The following DOCK5 variants were observed in gnomAD, a reference collection of about 807,000 sequenced individuals.
DOCK5 encodes the protein dedicator of cytokinesis protein 5.
DOCK5 carries 142 observed loss-of-function variants against 251.8 expected under a neutral mutation model. The observed-to-expected ratio is 0.56, with a 90% CI of 0.49 to 0.65. The LOEUF (loss-of-function observed/expected upper bound fraction) is 0.65, where lower values mean the gene tolerates loss of function less well. Among genes scored for constraint, DOCK5 ranks in the 30% least tolerant of loss-of-function variants. DOCK5 has a pLI of 0.00. For synonymous variants in DOCK5, 842 were observed against 835.5 expected (o/e 1.01, Z -0.13); for missense variants, 2,111 against 2,312.3 (o/e 0.91, Z 1.79).
chr8:25,188,711 C>G (rs1302550854), intron 1 of DOCK5, among the ~76,000 whole-genome samples: 1 of 152,262 alleles, frequency 6.6e-6, no homozygotes, highest in East Asian at 1.9e-4. Flanking sequence ...AGTGACTGAT[C>G]TATTTGATTC....
intron 5 of DOCK5, among the ~76,000 whole-genome samples, chr8:25,285,716 A>G (rs894999893): frequency 2.0e-5 from 3 of 152,176 alleles, no homozygotes; most frequent in African/African-American, 7.2e-5. Context: ...GCTGGAACGT[A>G]ATCTCTGAAG....
chr8:25,414,714 C>T lies in DOCK5; in HGVS notation c.*3416C>T, dbSNP rs896314092. 2.6e-5 allele frequency: 4 copies of T among 152,024 alleles called. No homozygotes were observed. Among genetic ancestry groups the T allele is most frequent in the African/African-American group, 9.7e-5 (4 of 41,394 alleles). 9.4% of individuals were successfully genotyped at this position (152,024 alleles called of 1,614,324 possible). A position where few individuals can be genotyped will look rare whatever the true frequency, so the allele number is the denominator to read the frequency against. ...TAGAGACATACACTGTTTTCAGCACCCCAGAAAGTTCCCACATGCCCATGG... is the reference window on the plus strand; with the variant it reads ...TAGAGACATACACTGTTTTCAGCACTCCAGAAAGTTCCCACATGCCCATGG... On this transcript the variant is annotated 3_prime_UTR_variant, in exon 52 of 52. Transcript: ENST00000276440.
At chr8:25,374,803 C>T (rs1800935989) in intron 37 of DOCK5, 149 bp downstream of exon 37, 3 of 1,537,146 alleles carry the variant, frequency 2.0e-6, no homozygotes, top group Non-Finnish European at 2.6e-6. Context: ...TAAATAGGCA[C>T]AGCTAATTTG....
intron 27 of DOCK5, among the ~76,000 whole-genome samples, chr8:25,352,261 GAGGGAGGGAGGGAGGA>G (rs1412252822): frequency 1.6e-5 from 2 of 127,980 alleles, no homozygotes; most frequent in African/African-American, 5.7e-5. Flanking sequence ...GGAAGGGAGG[GAGGGAGGGAGGGAGGA>G]AGGAAGGAAG....
At position 25,189,042 on chromosome 8, in the gene DOCK5, C is replaced by CTTTTTTTTTTTTTTTTTTTTTTT. The variant is rs1432735816; in HGVS notation, c.43+4094_43+4095insTTTTTTTTTTTTTTTTTTTTTTT. The stretch of plus-strand genomic sequence containing the variant: ...TTTTTTTCTTTTCTTTTCTTTCTTT[C>CTTTTTTTTTTTTTTTTTTTTTTT]TTTCTTTTTTTTTTTTTTTTTTTTG... On this transcript the variant is annotated intron_variant, in intron 1 of 51. Coordinates refer to ENST00000276440, the MANE Select transcript of DOCK5 (RefSeq NM_024940.8). 2.0e-5 allele frequency among the ~76,000 whole-genome samples: 2 copies of CTTTTTTTTTTTTTTTTTTTTTTT among 97,642 alleles called. 1 individual carries two copies. Among genetic ancestry groups the CTTTTTTTTTTTTTTTTTTTTTTT allele is most frequent in the African/African-American group, 6.8e-5 (2 of 29,218 alleles). The allele number at this position is 97,642 out of a possible 152,430, so 64.1% of individuals were successfully genotyped here. A position where few individuals can be genotyped will look rare whatever the true frequency, so the allele number is the denominator to read the frequency against.
Position 25,402,821 on chromosome 8 carries a change from C to T in DOCK5, c.4927-737C>T, listed in dbSNP as rs530484426. On this transcript the variant is annotated intron_variant, in intron 47 of 51. Coordinates refer to ENST00000276440, the MANE Select transcript of DOCK5 (RefSeq NM_024940.8). ...AAAGCTCTGAGTTTCTTTTCATGCT[C>T]TTTTCTCCCCCATTCCTGTCTGCCC... Among the ~76,000 whole-genome samples, 152 of 152,266 alleles carry T rather than the reference C, an allele frequency of 1.0e-3. 2 individuals are homozygous for T. The South Asian group carries it at 0.031, about 31-fold the overall frequency.
Position 25,268,525 on chromosome 8 carries a change from A to G in DOCK5, c.128-320A>G, listed in dbSNP as rs188240494. Among the ~76,000 whole-genome samples, 267 of 152,308 alleles carry G rather than the reference A, an allele frequency of 1.8e-3. 2 individuals carry two copies. The highest frequency in any genetic ancestry group is 6.1e-3 in the African/African-American group (252 of 41,566). On this transcript the variant is annotated intron_variant, in intron 2 of 51. Coordinates refer to ENST00000276440, the MANE Select transcript of DOCK5 (RefSeq NM_024940.8). ...CAAAAACATTTATTAAATGACTGTA[A>G]GGTATTAGGGTGATAAGAAACGGGC...
chr8:25,224,997 AC>A (rs1193579178), intron 1 of DOCK5, among the ~76,000 whole-genome samples: 1 of 152,250 alleles, frequency 6.6e-6, no homozygotes, highest in Admixed American at 6.5e-5. Context: ...GATTCTCAGC[AC>A]CACTAAGCAG....
At chr8:25,393,067 A>G (rs1271054988) in intron 44 of DOCK5, among the ~76,000 whole-genome samples, 185 bp downstream of exon 44, 4 of 152,206 alleles carry the variant, frequency 2.6e-5, no homozygotes, top group Non-Finnish European at 4.4e-5. Context: ...CTGATGTGAC[A>G]ACACCAGCCC....
intron 22 of DOCK5, among the ~76,000 whole-genome samples, chr8:25,340,376 A>G (rs935874517): frequency 1.3e-5 from 2 of 152,230 alleles, no homozygotes; most frequent in South Asian, 4.1e-4. Context: ...AATTCAAGCC[A>G]TCCTATTCTT....
At chr8:25,193,216 A>C (rs150884391) in intron 1 of DOCK5, among the ~76,000 whole-genome samples, 1 of 152,208 alleles carries the variant, frequency 6.6e-6, no homozygotes, top group Admixed American at 6.5e-5. Context: ...TTCATCAGCC[A>C]ATCAATACAT....
chr8:25,351,766 A>G lies in DOCK5; in HGVS notation c.2790A>G (p.Glu930=). The G allele has an allele frequency of 6.2e-7, 1 of 1,613,866 alleles. No individual in the cohort carries two copies. Among genetic ancestry groups the G allele is most frequent in the Non-Finnish European group, 8.5e-7 (1 of 1,179,850 alleles). The change falls in exon 27 of 52, where the codon GAA becomes GAG. Residue 930 remains glutamate (E), a synonymous_variant. Coordinates refer to ENST00000276440, the MANE Select transcript of DOCK5 (RefSeq NM_024940.8). ...ATAVHIQLIM[E]RLLRRINRTV... ...CGGTGCACATTCAGCTTATAATGGAACGGCTGCTGAGAAGGATCAACCGGA... is the reference window on the plus strand; with the variant it reads ...CGGTGCACATTCAGCTTATAATGGAGCGGCTGCTGAGAAGGATCAACCGGA...
intron 5 of DOCK5, among the ~76,000 whole-genome samples, chr8:25,284,052 C>A (rs1191759877): frequency 6.6e-6 from 1 of 152,082 alleles, no homozygotes. Context: ...CTATTATATT[C>A]AGAAAAAAAT....
chr8:25,379,882 ACACCTG>A lies in DOCK5; in HGVS notation c.3937-422_3937-417del, dbSNP rs1256097459. ...CACACACACACACACACCCATACAC[ACACCTG>A]TACACACACATTTCAGAACCAAAGT... On this transcript the variant is annotated intron_variant, in intron 38 of 51. Coordinates refer to ENST00000276440, the MANE Select transcript of DOCK5 (RefSeq NM_024940.8). Among the ~76,000 whole-genome samples the A allele has an allele frequency of 6.0e-3, 916 of 151,766 alleles. 14 individuals carry two copies. Among genetic ancestry groups the A allele is most frequent in the African/African-American group, 0.021 (884 of 41,336 alleles).
intron 1 of DOCK5, among the ~76,000 whole-genome samples, chr8:25,208,687 C>CT (rs1291729877): frequency 6.6e-6 from 1 of 152,146 alleles, no homozygotes; most frequent in Non-Finnish European, 1.5e-5. Context: ...CTTTTATAGG[C>CT]ACAGGGGAAC....
At chr8:25,270,560 A>G (rs889234686) in intron 3 of DOCK5, among the ~76,000 whole-genome samples, 1 of 152,250 alleles carries the variant, frequency 6.6e-6, no homozygotes, top group Non-Finnish European at 1.5e-5. Context: ...AAGTTAATTT[A>G]AAAACAATAA....
At chr8:25,264,123 GA>G (rs1377052685) in intron 2 of DOCK5, among the ~76,000 whole-genome samples, 1 of 151,810 alleles carries the variant, frequency 6.6e-6, no homozygotes, top group Non-Finnish European at 1.5e-5. Flanking sequence ...AGCACTTTGG[GA>G]GGTCTAGGCA....
intron 22 of DOCK5, among the ~76,000 whole-genome samples, chr8:25,339,126 A>G (rs1451321911): frequency 6.6e-6 from 1 of 152,138 alleles, no homozygotes; most frequent in Non-Finnish European, 1.5e-5. Context: ...TGGTCACTTC[A>G]GTGCACTGGC....
chr8:25,217,062 AATATGTAT>A (rs535984852), intron 1 of DOCK5, among the ~76,000 whole-genome samples: 4,321 of 147,776 alleles, frequency 0.029, 103 homozygotes, highest in South Asian at 0.04. Context: ...AGATGTATAC[AATATGTAT>A]ATATGTATAT....
Sources: allele counts gnomAD v4.1 joint callset (sites outside exome capture counted in the v4.1 genomes callset), GRCh38; gene constraint gnomAD v4.1.1; transcripts MANE v1.5; gene names NCBI Gene and HGNC (gene_info 2026-07-23, HGNC 2026-07-21).